GALNTL6: variants seen among roughly 807,000 people sequenced by gnomAD.
The protein encoded by GALNTL6 is polypeptide N-acetylgalactosaminyltransferase-like 6.
Under a neutral mutation model 73.7 loss-of-function variants are expected in GALNTL6, and 46 were observed. The ratio of observed to expected loss-of-function variants is 0.62; its 90% CI spans 0.49 to 0.80. GALNTL6 has a LOEUF of 0.80. Among genes scored for constraint, GALNTL6 ranks in the 30% least tolerant of loss-of-function variants. The probability of loss-of-function intolerance (pLI) is 0.00; values close to 1 mark genes in which losing one functional copy is unlikely to be tolerated. For synonymous variants in GALNTL6, 259 were observed against 263.7 expected, an observed-to-expected ratio of 0.98 and a Z score of 0.17; for missense variants, 604 against 755.0, an observed-to-expected ratio of 0.80 and a Z score of 2.34.
intron 10 of GALNTL6, among the ~76,000 whole-genome samples, chr4:172,971,167 A>T (rs1750563526): frequency 1.3e-5 from 2 of 152,116 alleles, no homozygotes; most frequent in Admixed American, 6.5e-5. Context: ...CCCCCATAGG[A>T]TGATGCAGCA....
At chr4:172,036,123 TAA>T (rs1170427106) in intron 2 of GALNTL6, among the ~76,000 whole-genome samples, 2 of 152,078 alleles carry the variant, frequency 1.3e-5, no homozygotes, top group East Asian at 1.9e-4. Context: ...CTCTAAAGCA[TAA>T]GTCATCACAG....
At chr4:172,156,557 ATATATATATACATAC>A (rs1734291945) in intron 2 of GALNTL6, among the ~76,000 whole-genome samples, 1 of 135,236 alleles carries the variant, frequency 7.4e-6, no homozygotes, top group African/African-American at 2.9e-5. Context: ...ATATATATAT[ATATATATATACATAC>A]TATATATATA....
intron 5 of GALNTL6, among the ~76,000 whole-genome samples, chr4:172,533,356 G>A (rs1350557427): frequency 2.0e-4 from 21 of 107,336 alleles, no homozygotes; most frequent in African/African-American, 5.6e-4. Context: ...ATGGAGTCTC[G>A]CTCTGTCGCC....
chr4:172,649,907 A>G (rs1740399367), intron 5 of GALNTL6, among the ~76,000 whole-genome samples: 1 of 152,210 alleles, frequency 6.6e-6, no homozygotes, highest in Admixed American at 6.5e-5. Flanking sequence ...CTCATTTAGT[A>G]CAAAGCACTC....
intron 5 of GALNTL6, among the ~76,000 whole-genome samples, chr4:172,549,062 A>G (rs1735870887): frequency 6.6e-6 from 1 of 152,184 alleles, no homozygotes; most frequent in African/African-American, 2.4e-5. Context: ...TTTGAGATGT[A>G]TAGTTCCAGG....
intron 2 of GALNTL6, among the ~76,000 whole-genome samples, chr4:171,857,157 G>A (rs1735715172): frequency 6.6e-6 from 1 of 152,084 alleles, no homozygotes; most frequent in Non-Finnish European, 1.5e-5. Flanking sequence ...GTACATGTAA[G>A]CATGTGTACA....
At chr4:172,765,972 G>T (rs1738381999) in intron 5 of GALNTL6, among the ~76,000 whole-genome samples, 1 of 151,950 alleles carries the variant, frequency 6.6e-6, no homozygotes, top group African/African-American at 2.4e-5. Context: ...TGATATTAGA[G>T]AAAGAAAAAA....
chr4:172,755,244 A>AGATAGATAGATAGAT (rs1737684549), intron 5 of GALNTL6, among the ~76,000 whole-genome samples: 1 of 151,130 alleles, frequency 6.6e-6, no homozygotes, highest in Non-Finnish European at 1.5e-5. Context: ...AGATATAGAT[A>AGATAGATAGATAGAT]GATAGATAGA....
chr4:171,878,812 G>C (rs1028172297), intron 2 of GALNTL6, among the ~76,000 whole-genome samples: 4 of 152,064 alleles, frequency 2.6e-5, no homozygotes, highest in African/African-American at 9.7e-5. Context: ...AGTTTCTCAT[G>C]GTTTAACACC....
At chr4:172,934,863 CA>C (rs1042263283) in intron 9 of GALNTL6, among the ~76,000 whole-genome samples, 9 of 152,176 alleles carry the variant, frequency 5.9e-5, no homozygotes, top group African/African-American at 2.2e-4. Context: ...GGAAGAATCT[CA>C]AAGAAGAGAT....
Position 173,002,139 on chromosome 4 carries a change from C to T in GALNTL6, c.1372-7039C>T, listed in dbSNP as rs2126478459. Among the ~76,000 whole-genome samples, 2 of 152,336 alleles carry T rather than the reference C, an allele frequency of 1.3e-5. 1 individual carries two copies. Among genetic ancestry groups the T allele is most frequent in the Admixed American group, 1.3e-4 (2 of 15,308 alleles). ...AGGAGCAGTGGCTCACGCCTGTAAT[C>T]CCAGCACTTTGGGAGGCAGAGGTGG... is the stretch of plus-strand genomic sequence containing the variant. On this transcript the variant is annotated intron_variant, in intron 10 of 12. Coordinates refer to ENST00000506823, the MANE Select transcript of GALNTL6 (RefSeq NM_001034845.3).
At position 172,069,566 on chromosome 4, in the gene GALNTL6, C is replaced by CACATATGTGTTATATATATTATATATA. The variant is rs1731477624; in HGVS notation, c.139-160084_139-160083insGTGTTATATATATTATATATAACATAT. 9.8e-4 allele frequency among the ~76,000 whole-genome samples: 48 copies of CACATATGTGTTATATATATTATATATA among 49,230 alleles called. 12 individuals carry two copies. The highest frequency in any genetic ancestry group is 0.027 in the Middle Eastern group (2 of 74). 32.3% of individuals were successfully genotyped at this position (49,230 alleles called of 152,430 possible). On this transcript the variant is annotated intron_variant, in intron 2 of 12. Coordinates refer to ENST00000506823, the MANE Select transcript of GALNTL6 (RefSeq NM_001034845.3). The stretch of plus-strand genomic sequence containing the variant: ...TATAACACATATATGTTATATATAA[C>CACATATGTGTTATATATATTATATATA]ACATATATGTTATATATTATATATA...
At chr4:172,581,231 A>T (rs559585376) in intron 5 of GALNTL6, among the ~76,000 whole-genome samples, 2 of 152,242 alleles carry the variant, frequency 1.3e-5, no homozygotes, top group African/African-American at 4.8e-5. Context: ...TAGTACAACT[A>T]TGCAAAATCA....
chr4:173,012,479 C>G (rs1006843106), intron 11 of GALNTL6, among the ~76,000 whole-genome samples: 1 of 152,196 alleles, frequency 6.6e-6, no homozygotes, highest in African/African-American at 2.4e-5. Flanking sequence ...ACCACTGATC[C>G]AATCTTTGAA....
At chr4:172,805,096 C>A (rs1400912687) in intron 5 of GALNTL6, among the ~76,000 whole-genome samples, 1 of 152,176 alleles carries the variant, frequency 6.6e-6, no homozygotes, top group Non-Finnish European at 1.5e-5. Flanking sequence ...ATGAGCCAGT[C>A]ATACACCCTT....
chr4:172,664,093 T>TTCTGGAA (rs1261958097), intron 5 of GALNTL6, among the ~76,000 whole-genome samples: 4 of 152,142 alleles, frequency 2.6e-5, no homozygotes, highest in African/African-American at 9.7e-5. Flanking sequence ...TTGATAGCAA[T>TTCTGGAA]TCTGGAATCT....
At chr4:171,974,899 T>G (rs1017333528) in intron 2 of GALNTL6, among the ~76,000 whole-genome samples, 5 of 152,234 alleles carry the variant, frequency 3.3e-5, no homozygotes, top group African/African-American at 1.2e-4. Context: ...TCAATGATGC[T>G]TTCTTAATGA....
intron 5 of GALNTL6, among the ~76,000 whole-genome samples, chr4:172,646,270 T>TA (rs1740238631): frequency 6.6e-6 from 1 of 152,068 alleles, no homozygotes; most frequent in Non-Finnish European, 1.5e-5. Context: ...ACTGGCATTG[T>TA]ATTAAATCTA....
intron 3 of GALNTL6, among the ~76,000 whole-genome samples, chr4:172,251,500 G>T (rs1245206034): frequency 1.3e-5 from 2 of 152,190 alleles, no homozygotes; most frequent in African/African-American, 4.8e-5. Flanking sequence ...GTGGGCCAGG[G>T]AAAGCCTGCA....
Sources: allele counts gnomAD v4.1 joint callset (sites outside exome capture counted in the v4.1 genomes callset), GRCh38; gene constraint gnomAD v4.1.1; transcripts MANE v1.5; gene names NCBI Gene and HGNC (gene_info 2026-07-23, HGNC 2026-07-21).